Variants in BTBD1 observed in about 807,000 individuals in gnomAD.
BTBD1 encodes BTB/POZ domain-containing protein 1.
A neutral mutation model predicts 48.0 loss-of-function variants in BTBD1; 34 were observed. The ratio of observed to expected loss-of-function variants is 0.71; its 90% CI spans 0.54 to 0.94. BTBD1 has a LOEUF of 0.94. Ranked by LOEUF, BTBD1 falls within the 40% of genes least tolerant of loss-of-function variation. The pLI is 0.00. For synonymous variants in BTBD1, 261 were observed against 242.1 expected (o/e 1.08, Z -0.72); for missense variants, 543 against 625.6 (o/e 0.87, Z 1.41).
At chr15:83,056,909 T>A (rs1196370070) in intron 1 of BTBD1, among the ~76,000 whole-genome samples, 1 of 151,976 alleles carries the variant, frequency 6.6e-6, no homozygotes, top group African/African-American at 2.4e-5. Flanking sequence ...TTGCCCAGAC[T>A]GGTCTTGAAC....
chr15:83,053,769 A>G (rs2033034614), intron 2 of BTBD1, among the ~76,000 whole-genome samples: 1 of 152,206 alleles, frequency 6.6e-6, no homozygotes, highest in East Asian at 1.9e-4. Flanking sequence ...CTGTGCCTCA[A>G]TTTCCTTACT....
At chr15:83,043,162 A>C (rs1486989788) in intron 3 of BTBD1, among the ~76,000 whole-genome samples, 3 of 152,210 alleles carry the variant, frequency 2.0e-5, no homozygotes, top group South Asian at 2.1e-4. Flanking sequence ...AAAATAAAAT[A>C]AAATCGGGTG....
intron 3 of BTBD1, among the ~76,000 whole-genome samples, chr15:83,042,325 G>A (rs1312976422): frequency 4.5e-5 from 6 of 133,292 alleles, no homozygotes; most frequent in Non-Finnish European, 6.4e-5. Flanking sequence ...TAAGCACTAC[G>A]TGCCAGGTAC....
At chr15:83,042,445 A>T (rs1372099893) in intron 3 of BTBD1, among the ~76,000 whole-genome samples, 1 of 149,696 alleles carries the variant, frequency 6.7e-6, no homozygotes, top group Non-Finnish European at 1.5e-5. Flanking sequence ...GTGCAGAGGC[A>T]CAATCTCGGC....
chr15:83,020,918 C>T (rs1439273580), intron 5 of BTBD1, 156 bp from the exon 6 acceptor site: 3 of 511,722 alleles, frequency 5.9e-6, no homozygotes, highest in African/African-American at 3.9e-5. Context: ...TGTTTGCTTA[C>T]CAAAAAGCTT....
At chr15:83,023,582 C>T (rs995055409) in intron 5 of BTBD1, among the ~76,000 whole-genome samples, 1 of 150,312 alleles carries the variant, frequency 6.7e-6, no homozygotes, top group African/African-American at 2.5e-5. Context: ...TGCGGGGTCT[C>T]ACTATGTTGC....
intron 5 of BTBD1, among the ~76,000 whole-genome samples, chr15:83,025,616 T>G (rs918882336): frequency 6.6e-6 from 1 of 152,068 alleles, no homozygotes; most frequent in African/African-American, 2.4e-5. Flanking sequence ...TACAGTAATA[T>G]TCAACATATA....
At chr15:83,042,924 G>C (rs562590187) in intron 3 of BTBD1, among the ~76,000 whole-genome samples, 1 of 152,096 alleles carries the variant, frequency 6.6e-6, no homozygotes, top group African/African-American at 2.4e-5. Context: ...AGCATGGCTT[G>C]AGCCCAGGAG....
At chr15:83,051,191 T>C (rs2032974755) in intron 2 of BTBD1, among the ~76,000 whole-genome samples, 1 of 152,172 alleles carries the variant, frequency 6.6e-6, no homozygotes, top group Admixed American at 6.6e-5. Flanking sequence ...TTTTAGAGGA[T>C]GGGCAAACAC....
At chr15:83,062,767 T>C (rs571333628) in intron 1 of BTBD1, among the ~76,000 whole-genome samples, 29 of 152,238 alleles carry the variant, frequency 1.9e-4, no homozygotes, top group Admixed American at 1.3e-3. Flanking sequence ...CTCACTTTGG[T>C]TGATGGGAGA....
At chr15:83,039,984 GACACAC>G (rs34590396) in intron 4 of BTBD1, among the ~76,000 whole-genome samples, 510 of 146,190 alleles carry the variant, frequency 3.5e-3, no homozygotes, top group African/African-American at 8.9e-3. Flanking sequence ...TAGAGAATGT[GACACAC>G]ACACACACAC....
chr15:83,020,999 C>T (rs1256707592), intron 5 of BTBD1, among the ~76,000 whole-genome samples: 1 of 152,190 alleles, frequency 6.6e-6, no homozygotes, highest in Non-Finnish European at 1.5e-5. Context: ...TAAATACCCA[C>T]TTTTGTTGTA....
intron 3 of BTBD1, among the ~76,000 whole-genome samples, chr15:83,043,535 A>G (rs939338872): frequency 4.6e-5 from 7 of 152,196 alleles, no homozygotes; most frequent in African/African-American, 9.7e-5. Flanking sequence ...AGTGAAGACA[A>G]TATCAGTTGG....
chr15:83,060,045 C>T (rs951864871), intron 1 of BTBD1, among the ~76,000 whole-genome samples: 3 of 152,216 alleles, frequency 2.0e-5, no homozygotes, highest in African/African-American at 4.8e-5. Flanking sequence ...CTCTGTGTAT[C>T]TTATATTTTT....
At chr15:83,049,297 G>C (rs1447792594) in intron 3 of BTBD1, among the ~76,000 whole-genome samples, 1 of 152,166 alleles carries the variant, frequency 6.6e-6, no homozygotes, top group Non-Finnish European at 1.5e-5. Context: ...GAGGAAACTA[G>C]AGTGCCTGGA....
intron 4 of BTBD1, among the ~76,000 whole-genome samples, chr15:83,034,090 C>CAAAAAAAAAAA (rs748026027): frequency 1.5e-5 from 1 of 67,186 alleles, no homozygotes; most frequent in Non-Finnish European, 3.0e-5. Flanking sequence ...CTGTCTACAC[C>CAAAAAAAAAAA]AAAAAAAAAA....
At chr15:83,062,749 G>C (rs764787185) in intron 1 of BTBD1, among the ~76,000 whole-genome samples, 1 of 152,148 alleles carries the variant, frequency 6.6e-6, no homozygotes, top group Non-Finnish European at 1.5e-5. Context: ...GAATGAGTGC[G>C]TAAAGCTCTC....
At chr15:83,023,904 G>T (rs538034948) in intron 5 of BTBD1, among the ~76,000 whole-genome samples, 2 of 152,194 alleles carry the variant, frequency 1.3e-5, no homozygotes, top group East Asian at 3.9e-4. Context: ...ATCTCACTTT[G>T]TCAACCAGTC....
At chr15:83,027,901 T>G (rs926852030) in intron 5 of BTBD1, among the ~76,000 whole-genome samples, 3 of 152,242 alleles carry the variant, frequency 2.0e-5, no homozygotes, top group African/African-American at 7.2e-5. Flanking sequence ...CAGTTTGCCT[T>G]CCAGTGTTGT....
Sources: allele counts gnomAD v4.1 joint callset (sites outside exome capture counted in the v4.1 genomes callset), GRCh38; gene constraint gnomAD v4.1.1; transcripts MANE v1.5; gene names NCBI Gene and HGNC (gene_info 2026-07-23, HGNC 2026-07-21).